CLOCK: variants seen among roughly 807,000 people sequenced by gnomAD.
CLOCK encodes circadian locomoter output cycles protein kaput.
Under a neutral mutation model 118.4 loss-of-function variants are expected in CLOCK, and 43 were observed. The ratio of observed to expected loss-of-function variants is 0.36; its 90% CI spans 0.28 to 0.47. The LOEUF is 0.47. Ranked by LOEUF, CLOCK falls within the 20% of genes least tolerant of loss-of-function variation. The probability of loss-of-function intolerance (pLI) is 1.00; values close to 1 mark genes in which losing one functional copy is unlikely to be tolerated. For synonymous variants in CLOCK, 326 were observed against 339.2 expected (o/e 0.96, Z 0.43); for missense variants, 846 against 999.9 (o/e 0.85, Z 2.08).
At chr4:55,520,919 C>A (rs1053494747) in intron 1 of CLOCK, among the ~76,000 whole-genome samples, 1 of 152,196 alleles carries the variant, frequency 6.6e-6, no homozygotes, top group Non-Finnish European at 1.5e-5. Flanking sequence ...TATAACAACT[C>A]CTTTGTGAAC....
chr4:55,470,144 T>C (rs1341743087), intron 8 of CLOCK, among the ~76,000 whole-genome samples: 2 of 152,216 alleles, frequency 1.3e-5, no homozygotes, highest in Non-Finnish European at 2.9e-5. Context: ...AGTACTGTCT[T>C]AGTCCTTCAC....
At chr4:55,451,541 C>A (rs1213706745) in intron 15 of CLOCK, among the ~76,000 whole-genome samples, 3 of 152,164 alleles carry the variant, frequency 2.0e-5, no homozygotes, top group Non-Finnish European at 4.4e-5. Context: ...CTCAGAAGGA[C>A]CTCGTCCCTA....
intron 15 of CLOCK, among the ~76,000 whole-genome samples, chr4:55,450,985 T>C (rs1724392097): frequency 6.6e-6 from 1 of 151,900 alleles, no homozygotes; most frequent in African/African-American, 2.4e-5. Flanking sequence ...AATGTTTCTT[T>C]CTCCATCAGC....
intron 2 of CLOCK, among the ~76,000 whole-genome samples, chr4:55,506,353 T>G (rs937011591): frequency 6.6e-6 from 1 of 152,088 alleles, no homozygotes; most frequent in African/African-American, 2.4e-5. Context: ...CGGCTTCTGC[T>G]AAATACCTTT....
chr4:55,525,584 C>A (rs1176577755), intron 1 of CLOCK, among the ~76,000 whole-genome samples: 1 of 152,094 alleles, frequency 6.6e-6, no homozygotes, highest in Non-Finnish European at 1.5e-5. Context: ...CTCACTGCAA[C>A]CTCCGCCTCT....
chr4:55,518,392 C>T (rs1729653417), intron 1 of CLOCK, among the ~76,000 whole-genome samples: 1 of 152,112 alleles, frequency 6.6e-6, no homozygotes, highest in Admixed American at 6.5e-5. Context: ...GGGTATTAAT[C>T]CCTAAACAAA....
intron 1 of CLOCK, among the ~76,000 whole-genome samples, chr4:55,532,972 G>A (rs192512198): frequency 2.7e-4 from 41 of 152,204 alleles, no homozygotes; most frequent in Non-Finnish European, 1.0e-4. Flanking sequence ...ATCAAAGAGA[G>A]AATACAAATA....
intron 11 of CLOCK, 99 bp from the exon 12 acceptor site, chr4:55,456,399 A>C: frequency 5.1e-6 from 4 of 782,308 alleles, no homozygotes; most frequent in Non-Finnish European, 8.4e-6. Context: ...GCAGTGGCTC[A>C]CACCTGTAAT....
chr4:55,543,887 C>A (rs1011217392), intron 1 of CLOCK, among the ~76,000 whole-genome samples: 1 of 151,896 alleles, frequency 6.6e-6, no homozygotes, highest in African/African-American at 2.4e-5. Context: ...ATTAGAAAAA[C>A]CTACATATCA....
At chr4:55,470,007 TA>T (rs957749577) in intron 8 of CLOCK, among the ~76,000 whole-genome samples, 3 of 151,816 alleles carry the variant, frequency 2.0e-5, no homozygotes, top group Non-Finnish European at 2.9e-5. Flanking sequence ...GTAAAAAAGT[TA>T]AAAAAAAATT....
At chr4:55,524,309 G>A (rs911678141) in intron 1 of CLOCK, among the ~76,000 whole-genome samples, 7 of 151,956 alleles carry the variant, frequency 4.6e-5, no homozygotes, top group African/African-American at 1.7e-4. Flanking sequence ...GGCTGAGGCA[G>A]AATTGCTTGA....
intron 1 of CLOCK, among the ~76,000 whole-genome samples, chr4:55,511,372 T>C (rs932946090): frequency 6.6e-6 from 1 of 152,184 alleles, no homozygotes; most frequent in Non-Finnish European, 1.5e-5. Context: ...CTTGACACAA[T>C]ATTGAAAGCA....
chr4:55,442,760 C>T lies in CLOCK; in HGVS notation c.1903-126G>A, dbSNP rs1723478889. ...GAAAGAAGTGGCAGGATATATTACT[C>T]TGGGGGAAATATAACCACAAAGGAA... On this transcript the variant is annotated intron_variant, in intron 20 of 22. Coordinates refer to ENST00000513440, the MANE Select transcript of CLOCK (RefSeq NM_004898.4). The T allele has an allele frequency of 1.9e-5, 16 of 845,682 alleles. No individual in the cohort carries two copies. The South Asian group carries it at 2.1e-4, about 11-fold the overall frequency. 52.4% of individuals were successfully genotyped at this position (845,682 alleles called of 1,614,324 possible).
intron 8 of CLOCK, among the ~76,000 whole-genome samples, chr4:55,468,148 G>C (rs1428311374): frequency 6.6e-6 from 1 of 152,102 alleles, no homozygotes; most frequent in African/African-American, 2.4e-5. Context: ...TGTAGAGACA[G>C]GATGCTTCAC....
At chr4:55,510,914 C>G (rs1401692102) in intron 1 of CLOCK, among the ~76,000 whole-genome samples, 2 of 152,114 alleles carry the variant, frequency 1.3e-5, no homozygotes, top group African/African-American at 4.8e-5. Flanking sequence ...GCAATTTGCC[C>G]TGAATCACAC....
chr4:55,448,815 T>G lies in CLOCK; in HGVS notation c.1503A>C (p.Gln501His). 1 of 1,614,018 alleles carries G rather than the reference T, an allele frequency of 6.2e-7. No individual in the cohort carries two copies. The highest frequency in any genetic ancestry group is 8.5e-7 in the Non-Finnish European group (1 of 1,179,962). ...GSSLTQPVMS[Q>H]ATNLPIPQGM... is the part of the protein sequence containing the mutation. ...CTTGTGGAATTGGTAAATTTGTAGC[T>G]TGAGACATCACTGGCTGTGTTAATG... The change falls in exon 18 of 23, where the codon CAA (glutamine) becomes CAC (histidine). Residue 501 changes from glutamine (Q) to histidine (H), a missense_variant. Around this residue, in one of 4 missense-constraint regions of CLOCK, gnomAD observed 520 missense variants for 558.0 expected, o/e 0.93. Coordinates refer to ENST00000513440, the MANE Select transcript of CLOCK (RefSeq NM_004898.4).
chr4:55,430,594 T>C lies in CLOCK; in HGVS notation c.*4821A>G, dbSNP rs1722432884. The C allele has an allele frequency of 6.6e-6, 1 of 152,212 alleles. No homozygotes were observed. Among genetic ancestry groups the C allele is most frequent in the Non-Finnish European group, 1.5e-5 (1 of 68,034 alleles). The allele number at this position is 152,212 out of a possible 1,614,324, so 9.4% of individuals were successfully genotyped here. A position where few individuals can be genotyped will look rare whatever the true frequency, so the allele number is the denominator to read the frequency against. ...TACTATTTTTTTCCTTTAACCAAAG[T>C]ATTCTTTTTCTCAGTCCTTTTTGTG... is the stretch of plus-strand genomic sequence containing the variant. On this transcript the variant is annotated 3_prime_UTR_variant, in exon 23 of 23. Coordinates refer to ENST00000513440, the MANE Select transcript of CLOCK (RefSeq NM_004898.4).
At chr4:55,528,226 A>T (rs1730326231) in intron 1 of CLOCK, among the ~76,000 whole-genome samples, 1 of 151,884 alleles carries the variant, frequency 6.6e-6, no homozygotes, top group South Asian at 2.1e-4. Context: ...CATGCCTGTA[A>T]TCCCAGCTAC....
intron 1 of CLOCK, among the ~76,000 whole-genome samples, chr4:55,533,512 A>C (rs1730687801): frequency 6.6e-6 from 1 of 152,246 alleles, no homozygotes; most frequent in South Asian, 2.1e-4. Flanking sequence ...TTTTTAATTA[A>C]GTATTTTAGA....
Sources: allele counts gnomAD v4.1 joint callset (sites outside exome capture counted in the v4.1 genomes callset), GRCh38; gene constraint gnomAD v4.1.1; regional missense constraint gnomAD v4.1.1; transcripts MANE v1.5; gene names NCBI Gene and HGNC (gene_info 2026-07-23, HGNC 2026-07-21).